Variants in PXDNL observed in about 807,000 individuals in gnomAD.
PXDNL encodes the protein probable oxidoreductase PXDNL.
A neutral mutation model predicts 150.8 loss-of-function variants in PXDNL; 145 were observed. That is an observed-to-expected ratio of 0.96 (90% CI 0.84 to 1.10). PXDNL has a LOEUF of 1.10. Ranked by LOEUF, PXDNL falls within the 50% of genes least tolerant of loss-of-function variation. The pLI, the probability that PXDNL is intolerant of heterozygous loss-of-function variation, is 0.00. For synonymous variants in PXDNL, 757 were observed against 725.7 expected (o/e 1.04, Z -0.69); for missense variants, 2,087 against 1,873.9 (o/e 1.11, Z -2.10).
intron 1 of PXDNL, among the ~76,000 whole-genome samples, chr8:51,744,063 AAGGAAG>A (rs1563307091): frequency 0.018 from 1,390 of 75,854 alleles, 83 homozygotes; most frequent in African/African-American, 0.03. Context: ...GGAAGGAAGG[AAGGAAG>A]GAAGGAAGGA....
At chr8:51,722,288 C>T (rs1181090843) in intron 1 of PXDNL, 1 of 152,400 alleles carries the variant, frequency 6.6e-6, no homozygotes, top group African/African-American at 2.4e-5. Context: ...CACTCCAACC[C>T]CTATGGGAGG....
At chr8:51,373,056 C>T (rs1459813516) in intron 18 of PXDNL, among the ~76,000 whole-genome samples, 2 of 152,126 alleles carry the variant, frequency 1.3e-5, no homozygotes, top group Non-Finnish European at 2.9e-5. Context: ...GCTGTGTCCC[C>T]CTAAAATGTA....
intron 4 of PXDNL, among the ~76,000 whole-genome samples, chr8:51,555,982 T>A (rs969421957): frequency 6.6e-6 from 1 of 152,116 alleles, no homozygotes; most frequent in Non-Finnish European, 1.5e-5. Context: ...GTAATAATAA[T>A]GCTACAGGGC....
rs1047069337 is a variant in PXDNL at position 51,448,140 on chromosome 8, A to G, written c.1366+862T>C. Among the ~76,000 whole-genome samples the G allele has an allele frequency of 3.3e-5, 5 of 152,212 alleles. No homozygotes were observed. In the East Asian group the frequency reaches 9.6e-4, roughly 29 times the overall value. On this transcript the variant is annotated intron_variant, in intron 11 of 22. Coordinates refer to ENST00000356297, the MANE Select transcript of PXDNL (RefSeq NM_144651.5). ...ATTTCGTACCTGAACTAATATGGAA[A>G]GTAGGATTCCCAAGCCCGGAGGAAC...
rs191530319 is a variant in PXDNL at position 51,486,150 on chromosome 8, T to C, written c.453-2436A>G. On this transcript the variant is annotated intron_variant, in intron 5 of 22. Coordinates refer to ENST00000356297, the MANE Select transcript of PXDNL (RefSeq NM_144651.5). ...TGGAAATTGCATCCATGATTGAATA[T>C]TGAAAGATATTATCTATTTTCCAAT... Among the ~76,000 whole-genome samples the C allele has an allele frequency of 1.4e-4, 22 of 152,328 alleles. No homozygotes were observed. In the East Asian group the frequency reaches 2.3e-3, roughly 16 times the overall value.
intron 2 of PXDNL, among the ~76,000 whole-genome samples, chr8:51,623,261 T>C (rs891202732): frequency 3.9e-5 from 6 of 152,138 alleles, no homozygotes; most frequent in African/African-American, 1.4e-4. Context: ...CCCCAGCTTG[T>C]TTAGGTCTGA....
intron 2 of PXDNL, among the ~76,000 whole-genome samples, chr8:51,628,769 G>C (rs1814423348): frequency 6.6e-6 from 1 of 151,778 alleles, no homozygotes; most frequent in African/African-American, 2.4e-5. Flanking sequence ...CAAAATTCTA[G>C]CTGGACACAA....
intron 4 of PXDNL, 120 bp downstream of exon 4, chr8:51,556,720 C>T: frequency 1.5e-6 from 1 of 659,634 alleles, no homozygotes; most frequent in Non-Finnish European, 2.7e-6. Context: ...GATATTCAAT[C>T]ATTCAAGCCA....
At chr8:51,565,929 A>C (rs1812819503) in intron 3 of PXDNL, among the ~76,000 whole-genome samples, 1 of 151,846 alleles carries the variant, frequency 6.6e-6, no homozygotes, top group Non-Finnish European at 1.5e-5. Context: ...TAAGCATTAT[A>C]TTAGCCATAG....
intron 2 of PXDNL, among the ~76,000 whole-genome samples, chr8:51,642,109 A>C (rs1287838639): frequency 2.6e-5 from 4 of 151,936 alleles, no homozygotes; most frequent in African/African-American, 7.3e-5. Flanking sequence ...CACAAGAACA[A>C]AAAACCAAAC....
intron 19 of PXDNL, among the ~76,000 whole-genome samples, chr8:51,367,176 A>T (rs1806949958): frequency 6.6e-6 from 1 of 151,324 alleles, no homozygotes. Flanking sequence ...AAATGATGAA[A>T]CCATTTCAAT....
At chr8:51,326,932 T>G (rs1336088624) in intron 21 of PXDNL, among the ~76,000 whole-genome samples, 1 of 152,144 alleles carries the variant, frequency 6.6e-6, no homozygotes, top group Non-Finnish European at 1.5e-5. Flanking sequence ...TCAATATGAC[T>G]GATGCTCTCA....
In PXDNL at chr8:51,534,101, C is replaced by T. The variant is rs542522041; in HGVS notation, c.380+22739G>A. Among the ~76,000 whole-genome samples the T allele has an allele frequency of 1.5e-4, 21 of 144,676 alleles. 1 individual carries two copies. Among genetic ancestry groups the T allele is most frequent in the Non-Finnish European group, 2.8e-4 (19 of 67,628 alleles). The allele number at this position is 144,676 out of a possible 152,430, so 94.9% of individuals were successfully genotyped here. On this transcript the variant is annotated intron_variant, in intron 4 of 22. Coordinates refer to ENST00000356297, the MANE Select transcript of PXDNL (RefSeq NM_144651.5). ...TGAGGCGTGTCTCTGCCCGGCCGCC[C>T]ATGTCTGAGATGTGGGGAGCACCTC...
chr8:51,401,770 C>G (rs919044387), intron 17 of PXDNL, among the ~76,000 whole-genome samples: 1 of 152,092 alleles, frequency 6.6e-6, no homozygotes, highest in South Asian at 2.1e-4. Context: ...GCTGTATCTT[C>G]CTGCAAAAGG....
At chr8:51,465,747 A>C (rs1810191730) in intron 8 of PXDNL, among the ~76,000 whole-genome samples, 1 of 152,190 alleles carries the variant, frequency 6.6e-6, no homozygotes, top group Non-Finnish European at 1.5e-5. Flanking sequence ...ATTTCTGTAC[A>C]CCAATAATGT....
At chr8:51,485,190 A>T (rs1248123723) in intron 5 of PXDNL, among the ~76,000 whole-genome samples, 1 of 152,136 alleles carries the variant, frequency 6.6e-6, no homozygotes, top group African/African-American at 2.4e-5. Context: ...CTGGGGCCAA[A>T]CTATTTCTAC....
chr8:51,407,450 A>C (rs1808468797), intron 17 of PXDNL, among the ~76,000 whole-genome samples: 1 of 152,230 alleles, frequency 6.6e-6, no homozygotes, highest in Non-Finnish European at 1.5e-5. Flanking sequence ...TTTTAAAAAA[A>C]TATTTTTAAA....
chr8:51,769,818 G>C (rs1206036848), intron 1 of PXDNL, among the ~76,000 whole-genome samples: 3 of 152,148 alleles, frequency 2.0e-5, no homozygotes, highest in Non-Finnish European at 4.4e-5. Flanking sequence ...CGGTATCTCT[G>C]ATGCATAGGT....
chr8:51,399,682 G>T lies in PXDNL; in HGVS notation c.3557+8385C>A, dbSNP rs569662582. 2.8e-4 allele frequency among the ~76,000 whole-genome samples: 43 copies of T among 152,238 alleles called. 1 individual carries two copies. In the South Asian group the frequency reaches 8.5e-3, roughly 30 times the overall value. ...TACAGAGGTATGAATATTGTTCAAAGGCATCAAATTGTACACTTAAAATGT... is the reference window on the plus strand; with the variant it reads ...TACAGAGGTATGAATATTGTTCAAATGCATCAAATTGTACACTTAAAATGT... On this transcript the variant is annotated intron_variant, in intron 17 of 22. Coordinates refer to ENST00000356297, the MANE Select transcript of PXDNL (RefSeq NM_144651.5).
Sources: gnomAD v4.1 joint callset for allele counts (sites outside exome capture counted in the v4.1 genomes callset) on GRCh38, gnomAD v4.1.1 for gene constraint, MANE v1.5 for transcripts, NCBI Gene and HGNC (gene_info 2026-07-23, HGNC 2026-07-21) for gene names.